ARHGAP32: variants seen among roughly 807,000 people sequenced by gnomAD.
ARHGAP32 encodes Rho GTPase activating protein 32.
In ARHGAP32, 51 loss-of-function variants were observed where a neutral mutation model predicts 186.5. The observed-to-expected ratio is 0.27, with a 90% CI of 0.22 to 0.35. The LOEUF (loss-of-function observed/expected upper bound fraction) is 0.35, where lower values mean the gene tolerates loss of function less well. Ranked by LOEUF, ARHGAP32 falls within the 10% of genes least tolerant of loss-of-function variation. ARHGAP32 has a pLI of 1.00. For synonymous variants in ARHGAP32, 950 were observed against 964.3 expected, an observed-to-expected ratio of 0.99 and a Z score of 0.27; for missense variants, 2,186 against 2,623.5, an observed-to-expected ratio of 0.83 and a Z score of 3.64.
intron 1 of ARHGAP32, among the ~76,000 whole-genome samples, chr11:129,260,116 T>C (rs11221622): frequency 0.015 from 2,324 of 152,234 alleles, 24 homozygotes; most frequent in South Asian, 0.031. Context: ...ACTCACTGAT[T>C]GAACTTTTAC....
Position 128,980,691 on chromosome 11 carries a change from G to C in ARHGAP32, c.1838C>G (p.Thr613Arg), listed in dbSNP as rs34503731. ...TGTTCGTGCCTGGGCCTCTTCCAAT[G>C]TCAGCAGTTTGGTGGATGGAGAGGA... ...LVSSPSTKLL[T>R]LEEAQARTQA... Residue 613 changes from threonine to arginine, a missense_variant, in exon 18 of 23, where the codon ACA (threonine) becomes AGA (arginine). Coordinates refer to ENST00000682385, the MANE Select transcript of ARHGAP32 (RefSeq NM_001378024.1). 6 of 1,613,934 alleles carry C rather than the reference G, an allele frequency of 3.7e-6. No homozygotes were observed. In the Admixed American group the frequency reaches 5.0e-5, roughly 13 times the overall value.
chr11:129,029,659 C>T (rs572044285), intron 11 of ARHGAP32, among the ~76,000 whole-genome samples: 11 of 151,924 alleles, frequency 7.2e-5, no homozygotes, highest in South Asian at 2.1e-4. Flanking sequence ...AAAAATTAGC[C>T]GGGCGTGGTG....
At position 128,966,814 on chromosome 11, in the gene ARHGAP32, G is replaced by A; in HGVS notation, c.*2093C>T. On this transcript the variant is annotated 3_prime_UTR_variant, in exon 23 of 23. Coordinates refer to ENST00000682385, the MANE Select transcript of ARHGAP32 (RefSeq NM_001378024.1). Reference sequence around the variant, plus strand: ...GCTGCTGGTGAGAACTTACAGGGCTGGTGTGGTCTCCAAGGGGCAATGGGT... The same window carrying A: ...GCTGCTGGTGAGAACTTACAGGGCTAGTGTGGTCTCCAAGGGGCAATGGGT... The A allele has an allele frequency of 1.3e-5, 2 of 152,098 alleles. 1 individual carries two copies. The highest frequency in any genetic ancestry group is 1.3e-4 in the Admixed American group (2 of 15,268). 9.4% of individuals were successfully genotyped at this position (152,098 alleles called of 1,614,324 possible).
At chr11:128,987,498 G>A (rs1648198031) in intron 13 of ARHGAP32, among the ~76,000 whole-genome samples, 1 of 152,088 alleles carries the variant, frequency 6.6e-6, no homozygotes, top group Non-Finnish European at 1.5e-5. Context: ...AAAAAGAAAG[G>A]GTAATGGCAT....
intron 2 of ARHGAP32, among the ~76,000 whole-genome samples, chr11:129,148,911 C>T (rs1943228304): frequency 1.3e-5 from 2 of 152,148 alleles, no homozygotes; most frequent in South Asian, 4.1e-4. Context: ...CTGAGAACCA[C>T]CCCCTCAATC....
chr11:129,076,396 A>G (rs1941045006), intron 6 of ARHGAP32, among the ~76,000 whole-genome samples: 2 of 152,200 alleles, frequency 1.3e-5, no homozygotes, highest in Non-Finnish European at 2.9e-5. Context: ...TGCAATATCC[A>G]AGAACCCTCT....
At chr11:129,082,986 A>G (rs1468988521) in intron 6 of ARHGAP32, among the ~76,000 whole-genome samples, 1 of 152,190 alleles carries the variant, frequency 6.6e-6, no homozygotes, top group Non-Finnish European at 1.5e-5. Context: ...GCCAACAAAC[A>G]TATGAAAAAA....
chr11:129,082,402 T>C (rs932841071), intron 6 of ARHGAP32, among the ~76,000 whole-genome samples: 1 of 151,996 alleles, frequency 6.6e-6, no homozygotes, highest in African/African-American at 2.4e-5. Flanking sequence ...GGTATAAAAA[T>C]AGGCACACAG....
At position 128,973,006 on chromosome 11, in the gene ARHGAP32, T is replaced by C. The variant is rs1175357869; in HGVS notation, c.3500A>G (p.His1167Arg). Reference sequence around the variant, plus strand: ...TGGGTCCCCAGATAAATATGCTTGATGTGGCTGATTCCCTGTTAAGTCTAC... The same window carrying C: ...TGGGTCCCCAGATAAATATGCTTGACGTGGCTGATTCCCTGTTAAGTCTAC... ...HQVDLTGNQPHQAYLSGDPEK... is the reference protein window; with the variant it reads ...HQVDLTGNQPRQAYLSGDPEK... Residue 1167 changes from histidine (H) to arginine (R), a missense_variant, in exon 22 of 23, where the codon CAT becomes CGT. Physicochemically the swap from His to Arg is conservative, Grantham distance 29. This residue lies in a region of ARHGAP32 where 1,502 missense variants were observed against 1,570.0 expected (regional missense o/e 0.96). Coordinates refer to ENST00000682385, the MANE Select transcript of ARHGAP32 (RefSeq NM_001378024.1). 2.5e-6 allele frequency: 4 copies of C among 1,613,978 alleles called. No individual in the cohort carries two copies. Among genetic ancestry groups the C allele is most frequent in the South Asian group, 2.2e-5 (2 of 91,084 alleles).
rs1591608376 is a variant in ARHGAP32, at chr11:129,093,779, A to AT, written c.445-73dup. On this transcript the variant is annotated intron_variant, in intron 5 of 22. Transcript: ENST00000682385. ...GTAAACGAGAATAAACTAAGCATTCATAATACCTGGAGCATCATCTCCGGG... is the reference window on the plus strand; with the variant it reads ...GTAAACGAGAATAAACTAAGCATTCATTAATACCTGGAGCATCATCTCCGGG... 28 of 1,037,574 alleles carry AT rather than the reference A, an allele frequency of 2.7e-5. No homozygotes were observed. In the East Asian group the frequency reaches 7.3e-4, roughly 27 times the overall value. 64.3% of individuals were successfully genotyped at this position (1,037,574 alleles called of 1,614,324 possible).
In ARHGAP32 at chr11:128,988,132, A is replaced by C. The variant is rs1279333522; in HGVS notation, c.1196-7T>G. 1 of 1,604,084 alleles carries C rather than the reference A, an allele frequency of 6.2e-7. No individual in the cohort carries two copies. Among genetic ancestry groups the C allele is most frequent in the East Asian group, 2.2e-5 (1 of 44,772 alleles). ...CTTTGAAGAACCTGCGGCACTAAAG[A>C]GAATTTGTAAAGAAACAGATGAAAT... On this transcript the variant is annotated splice_polypyrimidine_tract_variant and splice_region_variant and intron_variant, in intron 12 of 22. Transcript: ENST00000682385.
intron 8 of ARHGAP32, 95 bp from the exon 9 acceptor site, chr11:129,064,119 A>G: frequency 8.3e-7 from 1 of 1,198,956 alleles, no homozygotes; most frequent in Non-Finnish European, 1.1e-6. Context: ...ATTTAGAGAT[A>G]CAATAACCCA....
chr11:129,177,554 C>A (rs1399459036), intron 1 of ARHGAP32, among the ~76,000 whole-genome samples: 3 of 152,160 alleles, frequency 2.0e-5, no homozygotes, highest in African/African-American at 4.8e-5. Context: ...TACTGGCAAA[C>A]TGAATCCAGC....
intron 1 of ARHGAP32, among the ~76,000 whole-genome samples, chr11:129,266,348 T>C (rs907035958): frequency 6.6e-6 from 1 of 152,116 alleles, no homozygotes; most frequent in South Asian, 2.1e-4. Flanking sequence ...CATTAAAATA[T>C]ATATATATAT....
intron 12 of ARHGAP32, among the ~76,000 whole-genome samples, chr11:128,995,340 A>G (rs1034463634): frequency 6.6e-6 from 1 of 152,126 alleles, no homozygotes; most frequent in African/African-American, 2.4e-5. Flanking sequence ...CAAACTAGCT[A>G]GAAGTATGGG....
At chr11:129,024,068 C>T in intron 11 of ARHGAP32, 2 of 985,466 alleles carry the variant, frequency 2.0e-6, no homozygotes, top group South Asian at 4.7e-5. Context: ...TTTTCAGGAC[C>T]CCCTGCAGCA....
At chr11:129,233,308 G>A (rs1944883632) in intron 1 of ARHGAP32, among the ~76,000 whole-genome samples, 1 of 152,060 alleles carries the variant, frequency 6.6e-6, no homozygotes, top group African/African-American at 2.4e-5. Flanking sequence ...GAAACTAAGT[G>A]GGGGGTACAT....
At chr11:129,277,310 A>G (rs561579370) in intron 1 of ARHGAP32, among the ~76,000 whole-genome samples, 95 of 152,314 alleles carry the variant, frequency 6.2e-4, no homozygotes, top group South Asian at 2.5e-3. Context: ...TGACTGGAAA[A>G]TGATACGGAG....
chr11:129,037,120 T>C (rs1399402317), intron 11 of ARHGAP32, among the ~76,000 whole-genome samples: 1 of 152,194 alleles, frequency 6.6e-6, no homozygotes, highest in African/African-American at 2.4e-5. Flanking sequence ...TTAAAAAGAA[T>C]TGAATATATT....
Sources: allele counts gnomAD v4.1 joint callset (sites outside exome capture counted in the v4.1 genomes callset), GRCh38; gene constraint gnomAD v4.1.1; regional missense constraint gnomAD v4.1.1; transcripts MANE v1.5; gene names NCBI Gene and HGNC (gene_info 2026-07-23, HGNC 2026-07-21).